DCDC2C: variants seen among roughly 807,000 people sequenced by gnomAD.
DCDC2C encodes the protein doublecortin domain-containing protein 2C.
DCDC2C carries 44 observed loss-of-function variants against 45.0 expected under a neutral mutation model. That is an observed-to-expected ratio of 0.98 (90% CI 0.77 to 1.26). The LOEUF (loss-of-function observed/expected upper bound fraction) is 1.26. Ranked by LOEUF, DCDC2C falls within the 50% of genes most tolerant of loss-of-function variation. The probability of loss-of-function intolerance (pLI) is 0.00; values close to 1 mark genes in which losing one functional copy is unlikely to be tolerated. For synonymous variants in DCDC2C, 187 were observed against 178.8 expected, an observed-to-expected ratio of 1.05 and a Z score of -0.37; for missense variants, 447 against 468.9, an observed-to-expected ratio of 0.95 and a Z score of 0.43.
chr2:3,767,908 G>GC, intron 7 of DCDC2C, 28 bp downstream of exon 7: 1 of 1,438,536 alleles, frequency 7.0e-7, no homozygotes, highest in Non-Finnish European at 9.1e-7. Context: ...TCTGCTGTAG[G>GC]CAGTTCGAAA....
intron 9 of DCDC2C, among the ~76,000 whole-genome samples, chr2:3,781,471 G>A (rs1251694592): frequency 6.6e-6 from 1 of 152,206 alleles, no homozygotes; most frequent in East Asian, 1.9e-4. Context: ...TTTGCTTTCA[G>A]TTGCCTATGA....
chr2:3,741,975 T>C lies in DCDC2C; in HGVS notation c.472T>C (p.Phe158Leu). ...ACCTGCAAAAATCATTATACCCAAA[T>C]TTAGTCTGTCCGATTGGGACATCGT... ...IPPAKIIIPK[F>L]SLSDWDIVLA... Residue 158 changes from phenylalanine (F) to leucine (L), a missense_variant, in exon 4 of 11, where the codon TTT becomes CTT. Phe to Leu is a conservative substitution (Grantham distance 22). Transcript: ENST00000399143. The C allele has an allele frequency of 1.3e-6, 2 of 1,549,194 alleles. No individual in the cohort carries two copies. The highest frequency in any genetic ancestry group is 1.7e-6 in the Non-Finnish European group (2 of 1,146,454).
At chr2:3,727,177 T>G in intron 3 of DCDC2C, 98 bp downstream of exon 3, 1 of 971,918 alleles carries the variant, frequency 1.0e-6, no homozygotes, top group Non-Finnish European at 1.6e-6. Context: ...CCCCTTTCTG[T>G]CCCTCCTCCC....
At chr2:3,743,678 A>G (rs1669277842) in intron 4 of DCDC2C, among the ~76,000 whole-genome samples, 1 of 152,258 alleles carries the variant, frequency 6.6e-6, no homozygotes, top group Non-Finnish European at 1.5e-5. Context: ...CAAAAGGGAA[A>G]TAAAAAAATA....
chr2:3,728,210 G>A (rs922683873), intron 3 of DCDC2C, among the ~76,000 whole-genome samples: 4 of 152,194 alleles, frequency 2.6e-5, no homozygotes, highest in Non-Finnish European at 5.9e-5. Context: ...GAACGAGAAA[G>A]AGGAAGGAAA....
chr2:3,771,122 G>C (rs145477568), intron 8 of DCDC2C, among the ~76,000 whole-genome samples: 27 of 152,368 alleles, frequency 1.8e-4, no homozygotes, highest in African/African-American at 6.5e-4. Flanking sequence ...CTGAGGGTGA[G>C]CTAGGTCATC....
chr2:3,838,537 A>T (rs1360504800), intron 10 of DCDC2C, among the ~76,000 whole-genome samples: 1 of 152,014 alleles, frequency 6.6e-6, no homozygotes, highest in African/African-American at 2.4e-5. Flanking sequence ...CCTGAAGCTC[A>T]GTAGACAACT....
intron 9 of DCDC2C, among the ~76,000 whole-genome samples, chr2:3,779,192 C>T (rs572682794): frequency 5.3e-5 from 8 of 152,344 alleles, no homozygotes; most frequent in African/African-American, 1.2e-4. Context: ...TAGCTGGGAA[C>T]GTCCAGGGAG....
intron 3 of DCDC2C, among the ~76,000 whole-genome samples, chr2:3,738,183 G>T (rs993104454): frequency 2.0e-5 from 3 of 152,176 alleles, no homozygotes; most frequent in African/African-American, 7.2e-5. Context: ...AATTTGGTAA[G>T]AAATAAATAA....
intron 10 of DCDC2C, among the ~76,000 whole-genome samples, chr2:3,785,313 T>A (rs1670620297): frequency 1.3e-5 from 2 of 152,174 alleles, no homozygotes; most frequent in South Asian, 4.1e-4. Context: ...GGTGGATGGA[T>A]CCTCAGGAAA....
intron 10 of DCDC2C, among the ~76,000 whole-genome samples, chr2:3,826,547 G>T (rs946312839): frequency 2.0e-5 from 3 of 152,054 alleles, no homozygotes; most frequent in African/African-American, 7.2e-5. Context: ...CTGAGGCATA[G>T]AGAAGGGGGT....
Position 3,818,565 on chromosome 2 carries a change from G to A in DCDC2C, c.1066-28589G>A, listed in dbSNP as rs1436533264. On this transcript the variant is annotated intron_variant, in intron 10 of 10. Coordinates refer to ENST00000399143, the MANE Select transcript of DCDC2C (RefSeq NM_001287444.2). This position sits in a 1 kb window ranked among gnomAD's most constrained non-coding sequence, Gnocchi z 4.7. ...GTACAATGGGGGAATTGTAAGAAGA[G>A]TTTATATAGGCTTTAAAAGGCCATG... Among the ~76,000 whole-genome samples the A allele has an allele frequency of 6.6e-6, 1 of 152,166 alleles. No individual in the cohort carries two copies. Among genetic ancestry groups the A allele is most frequent in the African/African-American group, 2.4e-5 (1 of 41,420 alleles).
At chr2:3,719,889 A>G (rs960260369) in intron 2 of DCDC2C, among the ~76,000 whole-genome samples, 4 of 152,218 alleles carry the variant, frequency 2.6e-5, no homozygotes, top group African/African-American at 9.6e-5. Context: ...AATAGCTCAG[A>G]GCTCTGGGAT....
chr2:3,781,660 GA>G (rs1670511268), intron 9 of DCDC2C, among the ~76,000 whole-genome samples: 1 of 152,178 alleles, frequency 6.6e-6, no homozygotes, highest in Non-Finnish European at 1.5e-5. Context: ...AGGAGTTTGA[GA>G]ACAGCCTGAG....
intron 2 of DCDC2C, 48 bp downstream of exon 2, chr2:3,708,648 T>G (rs765982970): frequency 2.2e-5 from 31 of 1,393,714 alleles, no homozygotes; most frequent in Non-Finnish European, 3.0e-5. Context: ...TTGGCCAACT[T>G]GGTAAAAATT....
chr2:3,805,731 G>A (rs1010249252), intron 10 of DCDC2C, among the ~76,000 whole-genome samples: 1 of 152,218 alleles, frequency 6.6e-6, no homozygotes, highest in Non-Finnish European at 1.5e-5. Context: ...GGATGATGCT[G>A]CATGCCAAAC....
chr2:3,805,482 A>C (rs1671215348), intron 10 of DCDC2C, among the ~76,000 whole-genome samples: 1 of 152,216 alleles, frequency 6.6e-6, no homozygotes, highest in Non-Finnish European at 1.5e-5. Flanking sequence ...TAAATGGAGC[A>C]AAGTCTAAAG....
chr2:3,738,711 T>G (rs1669104062), intron 3 of DCDC2C, among the ~76,000 whole-genome samples: 1 of 152,202 alleles, frequency 6.6e-6, no homozygotes, highest in African/African-American at 2.4e-5. Context: ...GTTGTGTACC[T>G]TCATTTTTCT....
At chr2:3,806,645 C>T (rs544411923) in intron 10 of DCDC2C, among the ~76,000 whole-genome samples, 16 of 151,632 alleles carry the variant, frequency 1.1e-4, no homozygotes, top group African/African-American at 2.4e-4. Context: ...TGGGTTCAAG[C>T]GATTCTCCTG....
Sources: gnomAD v4.1 joint callset for allele counts (sites outside exome capture counted in the v4.1 genomes callset) on GRCh38, gnomAD v4.1.1 for gene constraint, Gnocchi (gnomAD v3.1) non-coding constraint, MANE v1.5 for transcripts, NCBI Gene and HGNC (gene_info 2026-07-23, HGNC 2026-07-21) for gene names.